Variants in WARS1 observed in about 807,000 individuals in gnomAD.
WARS1 encodes the protein tryptophanyl-tRNA synthetase 1.
WARS1 carries 17 observed loss-of-function variants against 47.8 expected under a neutral mutation model. The ratio of observed to expected loss-of-function variants is 0.36; its 90% confidence interval spans 0.24 to 0.53. The LOEUF (loss-of-function observed/expected upper bound fraction) is 0.53, where lower values mean the gene tolerates loss of function less well. Among genes scored for constraint, WARS1 ranks in the 20% least tolerant of loss-of-function variants. The pLI is 0.91. For synonymous variants in WARS1, 208 were observed against 228.1 expected (o/e 0.91, Z 0.79); for missense variants, 434 against 608.0 (o/e 0.71, Z 3.01).
chr14:100,336,107 C>G (rs1013992605), intron 10 of WARS1, among the ~76,000 whole-genome samples: 5 of 151,808 alleles, frequency 3.3e-5, no homozygotes, highest in Non-Finnish European at 7.4e-5. Context: ...AACCCTGTCT[C>G]TACTAAAAAT....
At chr14:100,347,689 G>A in intron 6 of WARS1, among the ~76,000 whole-genome samples, 1 of 152,218 alleles carries the variant, frequency 6.6e-6, no homozygotes, top group African/African-American at 2.4e-5. Flanking sequence ...CAATTCTCCT[G>A]CCTCAGCCTC....
intron 2 of WARS1, chr14:100,367,067 G>C (rs544674997): frequency 1.5e-6 from 1 of 679,916 alleles, no homozygotes; most frequent in Admixed American, 3.0e-5. Flanking sequence ...AAATCTCAGA[G>C]AGAAAAGGGT....
intron 1 of WARS1, among the ~76,000 whole-genome samples, chr14:100,372,100 T>C (rs1896387111): frequency 6.6e-6 from 1 of 152,142 alleles, no homozygotes; most frequent in African/African-American, 2.4e-5. Context: ...CAATCCCCTT[T>C]GACTATAACT....
At chr14:100,364,714 A>G (rs1209453511) in intron 2 of WARS1, among the ~76,000 whole-genome samples, 1 of 152,232 alleles carries the variant, frequency 6.6e-6, no homozygotes, top group Non-Finnish European at 1.5e-5. Context: ...AATAATGAAC[A>G]TAACTGCAGT....
At chr14:100,344,880 A>G (rs74540252) in intron 7 of WARS1, among the ~76,000 whole-genome samples, 142,001 of 149,130 alleles carry the variant, frequency 0.95, 67,931 homozygotes, top group East Asian at 1. Context: ...GAGCCCCTCC[A>G]CCCGGCAGCC....
At chr14:100,366,636 GACATGGACATGA>G (rs1303544047) in intron 2 of WARS1, 1 of 760,458 alleles carries the variant, frequency 1.3e-6, no homozygotes, top group African/African-American at 1.7e-5. Context: ...ATGGCCCATG[GACATGGACATGA>G]GCATGGACAT....
rs370081524 is a variant in WARS1 at position 100,369,094 on chromosome 14, G to A, written c.92C>T (p.Ala31Val). The A allele has an allele frequency of 1.4e-5, 21 of 1,550,654 alleles. No homozygotes were observed. The Admixed American group carries it at 1.4e-4, about 11-fold the overall frequency. The part of the protein sequence containing the change: ...ELVRSLKAGN[A>V]SKDEIDSAVK... ...CCCAGCAAAATCATGTACCTTTGAC[G>A]CATTTCCCGCTTTGAGGGACCTTAC... Residue 31 changes from alanine (A) to valine (V), a missense_variant, in exon 2 of 11, where the codon GCG (alanine) becomes GTG (valine). Physicochemically the swap from Ala to Val is moderately conservative, Grantham distance 64. Around this residue, in one of 2 missense-constraint regions of WARS1, gnomAD observed 87 missense variants for 84.2 expected, o/e 1.03. Coordinates refer to ENST00000392882, the MANE Select transcript of WARS1 (RefSeq NM_004184.4).
chr14:100,369,386 A>G (rs1896205721), intron 1 of WARS1, 128 bp from the exon 2 acceptor site: 1 of 267,786 alleles, frequency 3.7e-6, no homozygotes, highest in Non-Finnish European at 7.0e-6. Context: ...AGTAAAGGAC[A>G]TAGATAATAT....
chr14:100,346,644 T>C, intron 7 of WARS1, 102 bp downstream of exon 7: 2 of 996,104 alleles, frequency 2.0e-6, no homozygotes, highest in Non-Finnish European at 3.1e-6. Flanking sequence ...TTGCAAACGC[T>C]AACATCTCAG....
At chr14:100,357,763 C>T (rs977481725) in intron 4 of WARS1, among the ~76,000 whole-genome samples, 3 of 152,078 alleles carry the variant, frequency 2.0e-5, no homozygotes, top group African/African-American at 4.8e-5. Flanking sequence ...GCCCGGCCAT[C>T]AGTTGTATTT....
intron 4 of WARS1, among the ~76,000 whole-genome samples, chr14:100,358,422 G>A (rs1895465357): frequency 6.6e-6 from 1 of 152,154 alleles, no homozygotes; most frequent in South Asian, 2.1e-4. Flanking sequence ...ATGAGCCACT[G>A]CGCCCAGCCA....
At chr14:100,363,915 G>A (rs990554492) in intron 2 of WARS1, among the ~76,000 whole-genome samples, 4 of 152,026 alleles carry the variant, frequency 2.6e-5, no homozygotes, top group African/African-American at 4.8e-5. Context: ...CATGAGCCAC[G>A]GAGCCTCGCC....
chr14:100,342,003 C>T (rs769148529), intron 9 of WARS1: 12 of 278,598 alleles, frequency 4.3e-5, no homozygotes, highest in Non-Finnish European at 7.9e-5. Flanking sequence ...AATAAGGCAC[C>T]GGGTCCAGCC....
intron 6 of WARS1, among the ~76,000 whole-genome samples, chr14:100,349,361 T>C (rs1894824324): frequency 1.3e-5 from 2 of 152,172 alleles, no homozygotes; most frequent in South Asian, 2.1e-4. Flanking sequence ...GCTGAGATAA[T>C]GGTTTTGCTC....
chr14:100,376,310 C>T (rs2140121621), upstream of WARS1: 1 of 1,113,018 alleles, frequency 9.0e-7, no homozygotes, highest in Non-Finnish European at 1.1e-6. Context: ...CGGCTGTCTC[C>T]TGGGCGTCCG....
chr14:100,366,689 C>T (rs113761655), intron 2 of WARS1: 46 of 786,170 alleles, frequency 5.9e-5, no homozygotes, highest in African/African-American at 2.5e-4. Context: ...TTACAGACAA[C>T]GGAAGACAGA....
intron 9 of WARS1, among the ~76,000 whole-genome samples, chr14:100,339,246 T>C (rs11629457): frequency 0.69 from 104,961 of 152,040 alleles, 37,330 homozygotes; most frequent in Admixed American, 0.81. Flanking sequence ...TGGCAGGGCA[T>C]TGCTGAGAGG....
chr14:100,366,497 G>A (rs1896005382), intron 2 of WARS1: 1 of 435,336 alleles, frequency 2.3e-6, no homozygotes, highest in Non-Finnish European at 4.2e-6. Flanking sequence ...AATATGAAAG[G>A]CAGGTAGAAA....
chr14:100,352,826 A>G (rs1244082838), intron 6 of WARS1: 1 of 152,260 alleles, frequency 6.6e-6, no homozygotes, highest in African/African-American at 2.4e-5. Flanking sequence ...ATGGTTGACC[A>G]AAGTCTTATT....
Sources: gnomAD v4.1 joint callset for allele counts (sites outside exome capture counted in the v4.1 genomes callset) on GRCh38, gnomAD v4.1.1 for gene constraint, gnomAD v4.1.1 regional missense constraint, MANE v1.5 for transcripts, NCBI Gene and HGNC (gene_info 2026-07-23, HGNC 2026-07-21) for gene names.